RBFOX2: variants seen among roughly 807,000 people sequenced by gnomAD.
RBFOX2 encodes the protein RNA binding fox-1 homolog 2.
In RBFOX2, 10 loss-of-function variants were observed where a neutral mutation model predicts 49.1. The ratio of observed to expected loss-of-function variants is 0.20; its 90% CI spans 0.13 to 0.35. RBFOX2 has a LOEUF of 0.35. Among genes scored for constraint, RBFOX2 ranks in the 10% least tolerant of loss-of-function variants. The pLI is 1.00. For missense variants in RBFOX2, 323 were observed against 486.9 expected (o/e 0.66, Z 3.17); for synonymous variants, 183 against 187.4 (o/e 0.98, Z 0.19).
chr22:35,868,302 T>C (rs539207169), intron 1 of RBFOX2, among the ~76,000 whole-genome samples: 54 of 152,230 alleles, frequency 3.5e-4, no homozygotes, highest in Non-Finnish European at 1.3e-4. Flanking sequence ...AAAATTAGGA[T>C]AGAAATTTTG....
chr22:35,777,961 C>T (rs1222993023), intron 4 of RBFOX2, 64 bp downstream of exon 5: 3 of 1,429,806 alleles, frequency 2.1e-6, no homozygotes, highest in African/African-American at 1.4e-5. Context: ...TGAATACTTG[C>T]TATTTAAAAT....
chr22:35,761,554 TC>T, intron 6 of RBFOX2, 86 bp from the exon 8 acceptor site: 1 of 1,434,752 alleles, frequency 7.0e-7, no homozygotes, highest in Non-Finnish European at 9.8e-7. Flanking sequence ...TTCAGCCATC[TC>T]TGGGGCTATT....
chr22:35,814,156 A>C (rs1226377826), intron 1 of RBFOX2, among the ~76,000 whole-genome samples: 1 of 152,124 alleles, frequency 6.6e-6, no homozygotes, highest in Non-Finnish European at 1.5e-5. Context: ...AAATATGCTA[A>C]ATGTTTTCAT....
intron 1 of RBFOX2, among the ~76,000 whole-genome samples, chr22:35,857,764 G>C (rs1480591165): frequency 1.3e-5 from 2 of 152,220 alleles, no homozygotes; most frequent in Non-Finnish European, 2.9e-5. Context: ...GGGAGACACA[G>C]ACAGATAGAA....
At chr22:35,856,111 C>T (rs2042483823) in intron 1 of RBFOX2, among the ~76,000 whole-genome samples, 2 of 151,948 alleles carry the variant, frequency 1.3e-5, no homozygotes, top group South Asian at 4.2e-4. Flanking sequence ...TAGAAACAGA[C>T]CTAGTTATTC....
At chr22:35,850,193 T>TACACACACACACACACACACACAC (rs58692076) in intron 1 of RBFOX2, among the ~76,000 whole-genome samples, 6 of 132,602 alleles carry the variant, frequency 4.5e-5, no homozygotes, top group East Asian at 2.3e-4. Flanking sequence ...CTCTCTCTCA[T>TACACACACACACACACACACACAC]ACACACACAC....
At chr22:35,985,934 AG>A (rs2057699651) in intron 1 of RBFOX2, among the ~76,000 whole-genome samples, 2 of 151,916 alleles carry the variant, frequency 1.3e-5, no homozygotes, top group Non-Finnish European at 2.9e-5. Flanking sequence ...ATAGATAGAT[AG>A]ATAGATAGAT....
rs575025552 is a variant in RBFOX2, at chr22:35,857,217, A to C, written c.-33-47213T>G. Among the ~76,000 whole-genome samples the C allele has an allele frequency of 9.6e-4, 146 of 152,332 alleles. 2 individuals are homozygous for C. The highest frequency in any genetic ancestry group is 4.8e-3 in the South Asian group (23 of 4,826). ...TTTAAAGATTGAGCAAGAGGAAAAG[A>C]GTGCTACATAAATAACGTTTTGTGA... On this transcript the variant is annotated intron_variant, in intron 1 of 13. Coordinates refer to the RBFOX2 transcript ENST00000359369.
intron 1 of RBFOX2, among the ~76,000 whole-genome samples, chr22:35,953,828 C>CTTTT (rs2055241459): frequency 6.6e-6 from 1 of 152,096 alleles, no homozygotes; most frequent in Non-Finnish European, 1.5e-5. Flanking sequence ...TCAATATATA[C>CTTTT]TCTGGAAAAC....
intron 2 of RBFOX2, among the ~76,000 whole-genome samples, chr22:35,790,435 T>G (rs1332047621): frequency 6.6e-6 from 1 of 152,092 alleles, no homozygotes; most frequent in Non-Finnish European, 1.5e-5. Flanking sequence ...TAGAAGTACC[T>G]CAGATATAAG....
At chr22:35,922,620 G>A (rs577245945) in intron 1 of RBFOX2, among the ~76,000 whole-genome samples, 20 of 151,750 alleles carry the variant, frequency 1.3e-4, no homozygotes, top group African/African-American at 4.8e-4. Flanking sequence ...TGGTCTATGG[G>A]CTACTTGTTT....
At chr22:35,804,277 C>T (rs574552284) in intron 2 of RBFOX2, among the ~76,000 whole-genome samples, 10 of 150,758 alleles carry the variant, frequency 6.6e-5, no homozygotes, top group East Asian at 3.9e-4. Context: ...GACTTCATCT[C>T]GGGGGAAAAG....
intron 1 of RBFOX2, among the ~76,000 whole-genome samples, chr22:35,971,900 T>A (rs571774164): frequency 3.5e-4 from 51 of 147,024 alleles, no homozygotes; most frequent in Non-Finnish European, 6.6e-4. Flanking sequence ...TTTCCTTTTT[T>A]CTTTTTCTCC....
At chr22:36,013,527 G>A (rs1334154676) in intron 1 of RBFOX2, among the ~76,000 whole-genome samples, 1 of 152,040 alleles carries the variant, frequency 6.6e-6, no homozygotes, top group Non-Finnish European at 1.5e-5. Flanking sequence ...CAGCTGTGAA[G>A]TGGAAATGCT....
intron 1 of RBFOX2, among the ~76,000 whole-genome samples, chr22:35,884,497 T>A (rs2046324335): frequency 6.6e-6 from 1 of 152,062 alleles, no homozygotes; most frequent in African/African-American, 2.4e-5. Context: ...ACCACCAAAC[T>A]CACTCACCTG....
chr22:35,885,959 C>A (rs1240992290), intron 1 of RBFOX2, among the ~76,000 whole-genome samples: 1 of 150,244 alleles, frequency 6.7e-6, no homozygotes, highest in Non-Finnish European at 1.5e-5. Flanking sequence ...CGGGTCCACG[C>A]CATTCTCCTG....
At position 36,024,732 on chromosome 22, in the gene RBFOX2, C is replaced by T. The variant is rs190053409; in HGVS notation, c.186+3508G>A. ...CTCCAGCCTGGGCAACAGTGAGACT[C>T]CATCTCAAAAAAAAAGAAAAAAAAG... On this transcript the variant is annotated intron_variant, in intron 1 of 13. Transcript: ENST00000438146. Among the ~76,000 whole-genome samples, 7 of 151,790 alleles carry T rather than the reference C, an allele frequency of 4.6e-5. No homozygotes were observed. The East Asian group carries it at 1.4e-3, about 29-fold the overall frequency.
intron 1 of RBFOX2, among the ~76,000 whole-genome samples, chr22:35,975,424 TAATGTCAC>T (rs1440579381): frequency 7.2e-5 from 11 of 152,176 alleles, no homozygotes; most frequent in Non-Finnish European, 1.3e-4. Context: ...AATAGGAACA[TAATGTCAC>T]CAAAAATATT....
chr22:36,028,192 C>T, intron 1 of RBFOX2, 48 bp downstream of exon 1: 2 of 1,427,134 alleles, frequency 1.4e-6, no homozygotes, highest in South Asian at 1.4e-5. Context: ...GGTGTCGACC[C>T]TCACGCCCAC....
Sources: allele counts gnomAD v4.1 joint callset (sites outside exome capture counted in the v4.1 genomes callset), GRCh38; gene constraint gnomAD v4.1.1; transcripts MANE v1.5; gene names NCBI Gene and HGNC (gene_info 2026-07-23, HGNC 2026-07-21).